Variants in KIFAP3 observed in about 807,000 individuals in gnomAD.
The protein encoded by KIFAP3 is kinesin associated protein 3.
Under a neutral mutation model 106.5 loss-of-function variants are expected in KIFAP3, and 68 were observed. That is an observed-to-expected ratio of 0.64 (90% CI 0.53 to 0.78). The LOEUF is 0.78. KIFAP3 is among the 30% of genes least tolerant of loss of function. The probability of loss-of-function intolerance (pLI) is 0.00; values close to 1 mark genes in which losing one functional copy is unlikely to be tolerated. For synonymous variants in KIFAP3, 320 were observed against 311.5 expected, an observed-to-expected ratio of 1.03 and a Z score of -0.29; for missense variants, 780 against 941.8, an observed-to-expected ratio of 0.83 and a Z score of 2.25.
At chr1:169,995,278 G>T (rs545793631) in intron 10 of KIFAP3, among the ~76,000 whole-genome samples, 1 of 152,168 alleles carries the variant, frequency 6.6e-6, no homozygotes, top group East Asian at 1.9e-4. Context: ...TATTCCCCAA[G>T]AAGGTAGGAA....
chr1:169,930,175 ATTCC>A (rs978972001), intron 19 of KIFAP3, among the ~76,000 whole-genome samples: 14 of 152,118 alleles, frequency 9.2e-5, no homozygotes, highest in African/African-American at 3.4e-4. Context: ...TAAGTTTTCT[ATTCC>A]TTTTTATTAA....
intron 3 of KIFAP3, chr1:170,041,759 C>T (rs1283081631): frequency 1.2e-5 from 18 of 1,533,890 alleles, no homozygotes; most frequent in African/African-American, 1.4e-5. Flanking sequence ...GGGCAATCGA[C>T]ATCCCTTTTG....
At chr1:170,039,821 A>G (rs566925650) in intron 3 of KIFAP3, among the ~76,000 whole-genome samples, 17 of 152,308 alleles carry the variant, frequency 1.1e-4, no homozygotes, top group Non-Finnish European at 2.1e-4. Flanking sequence ...AACATTTATT[A>G]CGTGTGTTAA....
intron 17 of KIFAP3, among the ~76,000 whole-genome samples, chr1:169,962,445 T>C (rs1236825428): frequency 6.6e-6 from 1 of 152,130 alleles, no homozygotes. Context: ...ATAGCATGGA[T>C]AGAAAATAAA....
intron 19 of KIFAP3, among the ~76,000 whole-genome samples, chr1:169,940,157 T>C (rs1664030856): frequency 6.6e-6 from 1 of 152,138 alleles, no homozygotes; most frequent in African/African-American, 2.4e-5. Flanking sequence ...AGAAGAAAGG[T>C]GGGCAAAGGT....
At chr1:170,015,957 G>C (rs777101719) in intron 10 of KIFAP3, among the ~76,000 whole-genome samples, 9 of 152,032 alleles carry the variant, frequency 5.9e-5, no homozygotes, top group Non-Finnish European at 1.2e-4. Flanking sequence ...TAGAGGCTGA[G>C]GTGGGAGGAT....
chr1:169,971,571 T>G (rs1665922056), intron 17 of KIFAP3, among the ~76,000 whole-genome samples: 1 of 152,052 alleles, frequency 6.6e-6, no homozygotes, highest in South Asian at 2.1e-4. Context: ...CAAATTAAGA[T>G]GAATTTCTGA....
At chr1:169,973,209 A>G (rs949189458) in intron 16 of KIFAP3, among the ~76,000 whole-genome samples, 2 of 148,170 alleles carry the variant, frequency 1.3e-5, no homozygotes, top group Non-Finnish European at 3.0e-5. Flanking sequence ...CATTTTGGAT[A>G]TATAAAAATT....
chr1:169,960,619 T>C (rs1665274955), intron 18 of KIFAP3, among the ~76,000 whole-genome samples: 7 of 152,166 alleles, frequency 4.6e-5, no homozygotes, highest in Admixed American at 4.6e-4. Flanking sequence ...GTTTGGTAGT[T>C]TGAAACTAAA....
intron 3 of KIFAP3, among the ~76,000 whole-genome samples, chr1:170,042,443 T>C (rs1346342496): frequency 1.3e-5 from 2 of 152,166 alleles, no homozygotes; most frequent in African/African-American, 4.8e-5. Flanking sequence ...AGGTAAAAAA[T>C]CACTGTCTCC....
At chr1:170,020,845 C>T (rs1668777039) in intron 9 of KIFAP3, among the ~76,000 whole-genome samples, 1 of 152,094 alleles carries the variant, frequency 6.6e-6, no homozygotes, top group African/African-American at 2.4e-5. Context: ...ACAAAATTAA[C>T]TCATGTATCA....
At chr1:169,922,842 T>C (rs1001241966) in intron 19 of KIFAP3, among the ~76,000 whole-genome samples, 3 of 152,206 alleles carry the variant, frequency 2.0e-5, no homozygotes, top group East Asian at 3.8e-4. Flanking sequence ...TTTCCCTCAA[T>C]AGCAAAAACT....
At chr1:170,043,097 T>C (rs1286035756) in intron 3 of KIFAP3, among the ~76,000 whole-genome samples, 1 of 152,208 alleles carries the variant, frequency 6.6e-6, no homozygotes, top group Non-Finnish European at 1.5e-5. Flanking sequence ...TTCCATGCCA[T>C]GGATGACCAC....
At chr1:170,007,321 T>C (rs1449071625) in intron 10 of KIFAP3, among the ~76,000 whole-genome samples, 2 of 147,866 alleles carry the variant, frequency 1.4e-5, no homozygotes, top group Admixed American at 6.8e-5. Context: ...GAGAGGGAGA[T>C]GGGCAGATAG....
At chr1:169,930,721 C>T (rs186183969) in intron 19 of KIFAP3, among the ~76,000 whole-genome samples, 2 of 152,240 alleles carry the variant, frequency 1.3e-5, no homozygotes, top group East Asian at 1.9e-4. Flanking sequence ...CCAAATAACT[C>T]GTACCTAGTT....
chr1:169,990,219 T>G, intron 11 of KIFAP3: 1 of 1,144,296 alleles, frequency 8.7e-7, no homozygotes, highest in Non-Finnish European at 1.2e-6. Flanking sequence ...AATTCTGGCA[T>G]TTTTGAAATA....
intron 6 of KIFAP3, among the ~76,000 whole-genome samples, chr1:170,034,850 T>C (rs1264539263): frequency 1.3e-5 from 2 of 151,958 alleles, no homozygotes; most frequent in Non-Finnish European, 2.9e-5. Context: ...TGTATAAAAC[T>C]GACATCAGAG....
At chr1:170,018,652 T>C (rs540428632) in intron 9 of KIFAP3, among the ~76,000 whole-genome samples, 1 of 151,890 alleles carries the variant, frequency 6.6e-6, no homozygotes, top group Non-Finnish European at 1.5e-5. Context: ...TTTTCTTTTA[T>C]TGGAGATCTA....
intron 17 of KIFAP3, among the ~76,000 whole-genome samples, chr1:169,970,835 C>T (rs1052592398): frequency 6.6e-6 from 1 of 151,822 alleles, no homozygotes; most frequent in African/African-American, 2.4e-5. Context: ...GAAGCAGAAG[C>T]CAGAATTTTC....
Sources: allele counts gnomAD v4.1 joint callset (sites outside exome capture counted in the v4.1 genomes callset), GRCh38; gene constraint gnomAD v4.1.1; transcripts MANE v1.5; gene names NCBI Gene and HGNC (gene_info 2026-07-23, HGNC 2026-07-21).